The following CDIP1 variants were observed in gnomAD, a reference collection of about 807,000 sequenced individuals.
The protein encoded by CDIP1 is cell death-inducing p53-target protein 1.
Under a neutral mutation model 17.7 loss-of-function variants are expected in CDIP1, and 9 were observed. That is an observed-to-expected ratio of 0.51 (90% confidence interval 0.31 to 0.89). The LOEUF is 0.89. Ranked by LOEUF, CDIP1 falls within the 40% of genes least tolerant of loss-of-function variation. The probability of loss-of-function intolerance (pLI) is 0.05; values close to 1 mark genes in which losing one functional copy is unlikely to be tolerated. For synonymous variants in CDIP1, 117 were observed against 109.5 expected (o/e 1.07, Z -0.43); for missense variants, 263 against 277.9 (o/e 0.95, Z 0.38).
At chr16:4,532,598 T>C (rs1452163812) in intron 1 of CDIP1, 1 of 152,156 alleles carries the variant, frequency 6.6e-6, no homozygotes, top group African/African-American at 2.4e-5. Flanking sequence ...GCCCCACGAC[T>C]CTCCATTTTC....
intron 1 of CDIP1, among the ~76,000 whole-genome samples, chr16:4,536,202 G>A (rs1016444039): frequency 1.3e-5 from 2 of 152,166 alleles, no homozygotes; most frequent in Non-Finnish European, 2.9e-5. Flanking sequence ...TTGGAACCAT[G>A]TTCCTCAAAG....
chr16:4,517,482 C>G (rs1347621375), intron 1 of CDIP1, among the ~76,000 whole-genome samples: 1 of 152,126 alleles, frequency 6.6e-6, no homozygotes, highest in Admixed American at 6.6e-5. Context: ...TTCCTGTAAT[C>G]TAATCTCAGC....
chr16:4,534,224 T>TA (rs35068160), intron 1 of CDIP1, among the ~76,000 whole-genome samples: 82,511 of 151,838 alleles, frequency 0.54, 26,328 homozygotes, highest in Non-Finnish European at 0.7. Flanking sequence ...GTGCTGGGAA[T>TA]ACAGCCATGA....
In CDIP1 at chr16:4,531,468, C is replaced by A. The variant is rs190907135; in HGVS notation, c.-105+7234G>T. ...AGTGTCTGCTCCTGGCCAGAGAACA[C>A]CTTTTGGAGGTTGCAAGGCCATCAG... On this transcript the variant is annotated intron_variant, in intron 1 of 5. Coordinates refer to ENST00000567695, the MANE Select transcript of CDIP1 (RefSeq NM_013399.3). Among the ~76,000 whole-genome samples the A allele has an allele frequency of 7.9e-5, 12 of 152,244 alleles. No homozygotes were observed. In the East Asian group the frequency reaches 2.1e-3, roughly 27 times the overall value.
chr16:4,533,506 G>C (rs1258281279), intron 1 of CDIP1: 1 of 152,294 alleles, frequency 6.6e-6, no homozygotes, highest in East Asian at 1.9e-4. Flanking sequence ...CTGGATGGCT[G>C]AGAGGCGCTC....
At chr16:4,535,668 T>C (rs1253989001) in intron 1 of CDIP1, among the ~76,000 whole-genome samples, 1 of 152,198 alleles carries the variant, frequency 6.6e-6, no homozygotes, top group Non-Finnish European at 1.5e-5. Flanking sequence ...ACCACCAATG[T>C]CATGGACCAC....
Position 4,536,769 on chromosome 16 carries a change from C to G in CDIP1, c.-105+1933G>C, listed in dbSNP as rs1235780185. 9.5e-5 allele frequency: 4 copies of G among 41,948 alleles called. No homozygotes were observed. The South Asian group carries it at 3.2e-3, about 34-fold the overall frequency. The allele number at this position is 41,948 out of a possible 1,614,324, so 2.6% of individuals were successfully genotyped here. Reference sequence around the variant, plus strand: ...TGGGCAAAATAATGACATGCCATCTCTACAAAAAAAAAAAAAAAAAAAAAT... The same window carrying G: ...TGGGCAAAATAATGACATGCCATCTGTACAAAAAAAAAAAAAAAAAAAAAT... On this transcript the variant is annotated intron_variant, in intron 1 of 5. Transcript: ENST00000567695.
At chr16:4,537,123 A>G (rs2059115704) in intron 1 of CDIP1, among the ~76,000 whole-genome samples, 1 of 152,016 alleles carries the variant, frequency 6.6e-6, no homozygotes, top group Non-Finnish European at 1.5e-5. Context: ...CAATTCTAAG[A>G]CTCTAATTAA....
In CDIP1 at chr16:4,512,861, T is replaced by C. The variant is rs2058846292; in HGVS notation, c.445A>G (p.Ile149Val). 6.4e-7 allele frequency: 1 copy of C among 1,562,380 alleles called. No individual in the cohort carries two copies. The highest frequency in any genetic ancestry group is 1.2e-5 in the South Asian group (1 of 85,152). The change falls in exon 5 of 6, where the codon ATC becomes GTC. Residue 149 changes from isoleucine (I) to valine (V), a missense_variant. Ile to Val is a conservative substitution (Grantham distance 29). Coordinates refer to ENST00000567695, the MANE Select transcript of CDIP1 (RefSeq NM_013399.3). The surrounding 1 kb of genome is among the most constrained non-coding windows in gnomAD (Gnocchi z 4.6). Reference sequence around the variant, plus strand: ...ATCTCGTAGGAGATCTTGGTGGTGATGGCCTGCTGGCAGTGGGGACACACC... The same window carrying C: ...ATCTCGTAGGAGATCTTGGTGGTGACGGCCTGCTGGCAGTGGGGACACACC... ...QTVCPHCQQA[I>V]TTKISYEIGL...
At chr16:4,528,683 CAAA>C (rs374609894) in intron 1 of CDIP1, among the ~76,000 whole-genome samples, 1 of 50,936 alleles carries the variant, frequency 2.0e-5, no homozygotes, top group Non-Finnish European at 3.3e-5. Context: ...AACCCTGTCT[CAAA>C]AAAAAAAAAA....
At chr16:4,534,959 C>T (rs866524431) in intron 1 of CDIP1, among the ~76,000 whole-genome samples, 77 of 152,148 alleles carry the variant, frequency 5.1e-4, no homozygotes, top group African/African-American at 1.8e-3. Context: ...CTCAGGTGAT[C>T]CGCCCCCGTT....
intron 1 of CDIP1, among the ~76,000 whole-genome samples, chr16:4,526,534 C>T (rs963837087): frequency 4.6e-5 from 7 of 151,392 alleles, no homozygotes; most frequent in Non-Finnish European, 7.4e-5. Context: ...CCTGTCTCTA[C>T]TAAAAATACA....
chr16:4,536,280 G>A (rs776689184), intron 1 of CDIP1, among the ~76,000 whole-genome samples: 1 of 152,182 alleles, frequency 6.6e-6, no homozygotes, highest in Non-Finnish European at 1.5e-5. Flanking sequence ...GTGAAGGGCT[G>A]GTGTTTGTGG....
In CDIP1 at chr16:4,525,097, C is replaced by T. The variant is rs115009687; in HGVS notation, c.-104-10433G>A. ...CCTGGGCAACAGAGTGAGACTCTAT[C>T]CCCCCTCCACCACAAAAATATATCT... On this transcript the variant is annotated intron_variant, in intron 1 of 5. Transcript: ENST00000567695. 9.6e-3 allele frequency among the ~76,000 whole-genome samples: 1,465 copies of T among 152,132 alleles called. 23 individuals carry two copies. Among genetic ancestry groups the T allele is most frequent in the African/African-American group, 0.034 (1,404 of 41,500 alleles).
rs1050217776 is a variant in CDIP1, at chr16:4,514,464, G to C, written c.-15+111C>G. 3 of 313,652 alleles carry C rather than the reference G, an allele frequency of 9.6e-6. No individual in the cohort carries two copies. 19.4% of individuals were successfully genotyped at this position (313,652 alleles called of 1,614,324 possible). ...CCCCACACGAGAGCAGTTTGGCACCGAGCTCTCCCCTCCCCAAACGTTTAG... is the reference window on the plus strand; with the variant it reads ...CCCCACACGAGAGCAGTTTGGCACCCAGCTCTCCCCTCCCCAAACGTTTAG... On this transcript the variant is annotated intron_variant, in intron 2 of 5. Coordinates refer to ENST00000567695, the MANE Select transcript of CDIP1 (RefSeq NM_013399.3). The surrounding 1 kb of genome is among the most constrained non-coding windows in gnomAD (Gnocchi z 5.2).
chr16:4,532,166 A>G (rs1469228570), intron 1 of CDIP1: 2 of 152,258 alleles, frequency 1.3e-5, no homozygotes, highest in African/African-American at 4.8e-5. Context: ...GGAGCACATG[A>G]AGACCACGGT....
intron 1 of CDIP1, among the ~76,000 whole-genome samples, chr16:4,531,074 G>A (rs2059052465): frequency 6.6e-6 from 1 of 151,898 alleles, no homozygotes; most frequent in Non-Finnish European, 1.5e-5. Flanking sequence ...CAGAGACCAG[G>A]CTGGAGTGCA....
At chr16:4,538,597 G>C (rs919192991) in intron 1 of CDIP1, 105 bp downstream of exon 1, 1 of 152,364 alleles carries the variant, frequency 6.6e-6, no homozygotes, top group Non-Finnish European at 1.5e-5. Flanking sequence ...GGGCGCCACG[G>C]TCCGAGGTCA....
chr16:4,537,130 T>C lies in CDIP1; in HGVS notation c.-105+1572A>G, dbSNP rs538109427. On this transcript the variant is annotated intron_variant, in intron 1 of 5. Transcript: ENST00000567695. ...ATAAACAACAATTCTAAGACTCTAA[T>C]TAATGACATGCATGCTTATTTGGGA... 4.6e-5 allele frequency among the ~76,000 whole-genome samples: 7 copies of C among 152,270 alleles called. No homozygotes were observed. In the South Asian group the frequency reaches 1.4e-3, roughly 32 times the overall value.
Sources: allele counts gnomAD v4.1 joint callset (sites outside exome capture counted in the v4.1 genomes callset), GRCh38; gene constraint gnomAD v4.1.1; non-coding constraint Gnocchi (gnomAD v3.1); transcripts MANE v1.5; gene names NCBI Gene and HGNC (gene_info 2026-07-23, HGNC 2026-07-21).